MUSK: variants seen among roughly 807,000 people sequenced by gnomAD.
MUSK encodes the protein muscle associated receptor tyrosine kinase.
MUSK carries 55 observed loss-of-function variants against 88.7 expected under a neutral mutation model. The observed-to-expected ratio is 0.62, with a 90% CI of 0.50 to 0.78. The LOEUF is 0.78. Among genes scored for constraint, MUSK ranks in the 30% least tolerant of loss-of-function variants. The probability of loss-of-function intolerance (pLI) is 0.00; values close to 1 mark genes in which losing one functional copy is unlikely to be tolerated. For missense variants in MUSK, 1,015 were observed against 1,074.3 expected (o/e 0.94, Z 0.77); for synonymous variants, 387 against 391.9 (o/e 0.99, Z 0.15).
intron 11 of MUSK, among the ~76,000 whole-genome samples, chr9:110,781,510 T>C (rs2061997661): frequency 2.6e-5 from 4 of 152,180 alleles, no homozygotes; most frequent in Non-Finnish European, 5.9e-5. Flanking sequence ...TCTCCTGACC[T>C]CGTGATTCAC....
At chr9:110,774,135 G>T (rs1588022985) in intron 9 of MUSK, among the ~76,000 whole-genome samples, 2 of 152,104 alleles carry the variant, frequency 1.3e-5, no homozygotes, top group South Asian at 4.1e-4. Context: ...CACCTTATCA[G>T]TTATTTCACA....
chr9:110,712,447 C>T (rs904852110), intron 5 of MUSK, among the ~76,000 whole-genome samples: 18 of 152,118 alleles, frequency 1.2e-4, no homozygotes, highest in Non-Finnish European at 1.8e-4. Flanking sequence ...AAAGAAATAA[C>T]TAAGTTGACG....
chr9:110,706,585 T>C (rs1245814035), intron 5 of MUSK, among the ~76,000 whole-genome samples: 1 of 152,122 alleles, frequency 6.6e-6, no homozygotes, highest in Non-Finnish European at 1.5e-5. Context: ...CAGTGGAACA[T>C]GCTGATTTGA....
chr9:110,781,580 C>G (rs529199607), intron 11 of MUSK, among the ~76,000 whole-genome samples: 1 of 152,278 alleles, frequency 6.6e-6, no homozygotes, highest in Admixed American at 6.5e-5. Context: ...CCAGCCCACA[C>G]CTTTTCCTTA....
chr9:110,684,359 G>A (rs934020851), intron 2 of MUSK, among the ~76,000 whole-genome samples: 8 of 152,090 alleles, frequency 5.3e-5, no homozygotes, highest in African/African-American at 1.9e-4. Context: ...CTCTTTTGAT[G>A]AAAGTACTGT....
intron 7 of MUSK, among the ~76,000 whole-genome samples, chr9:110,759,246 A>C (rs2077366220): frequency 6.6e-6 from 1 of 152,218 alleles, no homozygotes. Flanking sequence ...ATCCCTATTT[A>C]ATAAATGGTG....
chr9:110,671,759 C>T lies in MUSK; in HGVS notation c.79+2776C>T, dbSNP rs566999426. On this transcript the variant is annotated intron_variant, in intron 1 of 14. Transcript: ENST00000374448. Reference sequence around the variant, plus strand: ...GGATAATTGGCTTAACTACATACATCAATAACATTTAATGCTTTATTAGGG... The same window carrying T: ...GGATAATTGGCTTAACTACATACATTAATAACATTTAATGCTTTATTAGGG... 3.9e-5 allele frequency among the ~76,000 whole-genome samples: 6 copies of T among 152,234 alleles called. No homozygotes were observed. The South Asian group carries it at 1.2e-3, about 32-fold the overall frequency.
chr9:110,722,916 T>C (rs1056267958), intron 5 of MUSK, among the ~76,000 whole-genome samples: 1 of 152,090 alleles, frequency 6.6e-6, no homozygotes, highest in African/African-American at 2.4e-5. Context: ...AAGGGAACAC[T>C]TTTATATTGT....
At chr9:110,674,562 T>G (rs1347936215) in intron 1 of MUSK, among the ~76,000 whole-genome samples, 1 of 152,108 alleles carries the variant, frequency 6.6e-6, no homozygotes, top group African/African-American at 2.4e-5. Context: ...ATATGTGAGA[T>G]TATTTCCTTA....
At chr9:110,688,675 C>A (rs2076229818) in intron 3 of MUSK, among the ~76,000 whole-genome samples, 1 of 151,794 alleles carries the variant, frequency 6.6e-6, no homozygotes. Flanking sequence ...TTCATGTGTT[C>A]CCATCGTTAG....
At position 110,687,120 on chromosome 9, in the gene MUSK, C is replaced by A; in HGVS notation, c.210C>A (p.Leu70=). Residue 70 remains leucine, a synonymous_variant, in exon 3 of 15, where the codon CTC becomes CTA. Coordinates refer to ENST00000374448, the MANE Select transcript of MUSK (RefSeq NM_005592.4). ...CATTTTTTTCTGTGACCTGCAGACTCTTTGACACCCGGTACAGCATCCGGG... is the reference window on the plus strand; with the variant it reads ...CATTTTTTTCTGTGACCTGCAGACTATTTGACACCCGGTACAGCATCCGGG... ...SWTRNKILIK[L]FDTRYSIREN... 2 of 1,612,802 alleles carry A rather than the reference C, an allele frequency of 1.2e-6. No individual in the cohort carries two copies. Among genetic ancestry groups the A allele is most frequent in the Non-Finnish European group, 1.7e-6 (2 of 1,179,230 alleles).
intron 2 of MUSK, 52 bp from the exon 3 acceptor site, chr9:110,687,064 CA>C (rs1300352680): frequency 7.0e-6 from 11 of 1,568,104 alleles, no homozygotes; most frequent in Admixed American, 5.4e-5. Flanking sequence ...TTAATCATGG[CA>C]AAAAAATCAC....
In MUSK at chr9:110,755,954, A is replaced by ATATATATATATATATATG. The variant is rs1564268738; in HGVS notation, c.914-6238_914-6237insTATATATGTATATATATA. Among the ~76,000 whole-genome samples, 8 of 110,516 alleles carry ATATATATATATATATATG rather than the reference A, an allele frequency of 7.2e-5. No homozygotes were observed. In the East Asian group the frequency reaches 1.8e-3, roughly 25 times the overall value. 72.5% of individuals were successfully genotyped at this position (110,516 alleles called of 152,430 possible). A position where few individuals can be genotyped will look rare whatever the true frequency, so the allele number is the denominator to read the frequency against. On this transcript the variant is annotated intron_variant, in intron 7 of 14. Coordinates refer to ENST00000374448, the MANE Select transcript of MUSK (RefSeq NM_005592.4). ...TATACATATATATATATATATACAC[A>ATATATATATATATATATG]TATATATATACATATATATATATAC...
intron 10 of MUSK, among the ~76,000 whole-genome samples, chr9:110,776,394 A>G (rs1275031819): frequency 6.6e-6 from 1 of 152,236 alleles, no homozygotes; most frequent in African/African-American, 2.4e-5. Context: ...ACAAAACAAA[A>G]TTGAATTGCT....
chr9:110,788,257 C>A (rs568811307), intron 14 of MUSK, among the ~76,000 whole-genome samples: 1 of 152,124 alleles, frequency 6.6e-6, no homozygotes, highest in East Asian at 1.9e-4. Context: ...CCAGTTTATT[C>A]CCAGATTCAT....
intron 11 of MUSK, among the ~76,000 whole-genome samples, chr9:110,781,569 C>A (rs1341989144): frequency 6.7e-6 from 1 of 148,176 alleles, no homozygotes; most frequent in Non-Finnish European, 1.5e-5. Flanking sequence ...AGCTACTGCT[C>A]CCAGCCCACA....
chr9:110,804,258 T>G lies in MUSK; in HGVS notation c.*3270T>G, dbSNP rs1006680451. On this transcript the variant is annotated 3_prime_UTR_variant, in exon 15 of 15. Transcript: ENST00000374448. Reference sequence around the variant, plus strand: ...CATCCTTATTTGTTCATGTCCACATTTCTTTTTATGAAAATTCAGAGAAAG... The same window carrying G: ...CATCCTTATTTGTTCATGTCCACATGTCTTTTTATGAAAATTCAGAGAAAG... Among the ~76,000 whole-genome samples, 3 of 152,166 alleles carry G rather than the reference T, an allele frequency of 2.0e-5. No homozygotes were observed. The highest frequency in any genetic ancestry group is 4.4e-5 in the Non-Finnish European group (3 of 67,986).
chr9:110,733,185 C>G (rs565087540), intron 5 of MUSK, among the ~76,000 whole-genome samples: 2 of 152,084 alleles, frequency 1.3e-5, no homozygotes, highest in South Asian at 4.1e-4. Context: ...AATATACTTA[C>G]AGTATAATAG....
intron 9 of MUSK, among the ~76,000 whole-genome samples, chr9:110,775,095 G>C (rs1411254848): frequency 6.6e-6 from 1 of 152,086 alleles, no homozygotes; most frequent in Non-Finnish European, 1.5e-5. Context: ...AAAATTCCAA[G>C]TAGTCCAATT....
Sources: allele counts gnomAD v4.1 joint callset (sites outside exome capture counted in the v4.1 genomes callset), GRCh38; gene constraint gnomAD v4.1.1; transcripts MANE v1.5; gene names NCBI Gene and HGNC (gene_info 2026-07-23, HGNC 2026-07-21).